Variants in CSTL1 observed in about 807,000 individuals in gnomAD.
The protein encoded by CSTL1 is cystatin-like 1.
In CSTL1, 14 loss-of-function variants were observed where a neutral mutation model predicts 14.4. The observed-to-expected ratio is 0.97, with a 90% confidence interval of 0.64 to 1.52. The LOEUF is 1.52. Ranked by LOEUF, CSTL1 falls within the 40% of genes most tolerant of loss-of-function variation. The probability of loss-of-function intolerance (pLI) is 0.00; values close to 1 mark genes in which losing one functional copy is unlikely to be tolerated. For missense variants in CSTL1, 170 were observed against 168.7 expected, an observed-to-expected ratio of 1.01 and a Z score of -0.04; for synonymous variants, 72 against 67.5, an observed-to-expected ratio of 1.07 and a Z score of -0.33.
chr20:23,439,838 T>G, intron 1 of CSTL1, 32 bp downstream of exon 1: 1 of 201,920 alleles, frequency 5.0e-6, no homozygotes, highest in Non-Finnish European at 1.0e-5. Flanking sequence ...TTGCTCCATA[T>G]GACTGCTTCC....
chr20:23,444,967 ACACACATG>A, downstream of CSTL1: 1 of 802,714 alleles, frequency 1.2e-6, no homozygotes, highest in South Asian at 1.4e-5. Context: ...ACATGCACAC[ACACACATG>A]CACACACAGA....
At chr20:23,443,303 A>G (rs957949603) in intron 2 of CSTL1, among the ~76,000 whole-genome samples, 1 of 152,210 alleles carries the variant, frequency 6.6e-6, no homozygotes, top group African/African-American at 2.4e-5. Flanking sequence ...AAATATTTAA[A>G]ATTTATTTTA....
chr20:23,449,642 G>T (rs1987033859), downstream of CSTL1, among the ~76,000 whole-genome samples: 1 of 152,284 alleles, frequency 6.6e-6, no homozygotes, highest in South Asian at 2.1e-4. Flanking sequence ...CCTTGAATCA[G>T]GCTGCGGAGT....
At chr20:23,447,467 CT>C (rs34114094), downstream of CSTL1, among the ~76,000 whole-genome samples, 17,290 of 136,634 alleles carry the variant, frequency 0.13, 1,621 homozygotes, top group African/African-American at 0.32. Context: ...TTTTCTTTTT[CT>C]TTTTTTTTTT....
At position 23,440,372 on chromosome 20, in the gene CSTL1, C is replaced by A. The variant is rs148321395; in HGVS notation, c.105C>A (p.Leu35=). The A allele has an allele frequency of 1.5e-4, 242 of 1,614,194 alleles. 1 individual carries two copies. The African/African-American group carries it at 3.0e-3, about 20-fold the overall frequency. ...GGTGGGAGGGCTTCCAGCAGAAGCT[C>A]ATGAGCAAGAAGAACATGAATTCAA... The part of the protein sequence containing the change: ...FQRWEGFQQK[L]MSKKNMNSTL... Residue 35 remains leucine, a synonymous_variant, in exon 2 of 4, where the codon CTC becomes CTA. Transcript: ENST00000347397.
downstream of CSTL1, among the ~76,000 whole-genome samples, chr20:23,446,123 T>A (rs536125109): frequency 6.6e-6 from 1 of 152,320 alleles, no homozygotes; most frequent in South Asian, 2.1e-4. Flanking sequence ...ACCTCACTGC[T>A]GTACAGAGAA....
At chr20:23,447,433 G>C (rs972108194), downstream of CSTL1, among the ~76,000 whole-genome samples, 5 of 151,654 alleles carry the variant, frequency 3.3e-5, no homozygotes, top group African/African-American at 1.2e-4. Context: ...TCTAATGCTG[G>C]ACACATTACA....
the CSTL1 span, chr20:23,452,635 A>G: frequency 6.2e-7 from 1 of 1,614,024 alleles, no homozygotes; most frequent in Non-Finnish European, 8.5e-7. Flanking sequence ...ACTTGTCATC[A>G]CTTTCCTTGT....
At chr20:23,446,558 C>T (rs1986971718), downstream of CSTL1, among the ~76,000 whole-genome samples, 1 of 152,224 alleles carries the variant, frequency 6.6e-6, no homozygotes, top group Non-Finnish European at 1.5e-5. Flanking sequence ...GCCCAGCCTG[C>T]AAGCAGCCTT....
chr20:23,452,388 G>A, the CSTL1 span, among the ~76,000 whole-genome samples: 1 of 152,170 alleles, frequency 6.6e-6, no homozygotes, highest in Non-Finnish European at 1.5e-5. Flanking sequence ...GGGATGTAAT[G>A]TGCTGAGGAT....
the CSTL1 span, chr20:23,459,596 G>T: frequency 1.3e-5 from 2 of 151,974 alleles, no homozygotes; most frequent in Non-Finnish European, 2.9e-5. Context: ...TTAAACTTTG[G>T]TTCTCTCCTC....
At chr20:23,441,105 C>T (rs1986822120) in intron 2 of CSTL1, among the ~76,000 whole-genome samples, 2 of 152,116 alleles carry the variant, frequency 1.3e-5, no homozygotes, top group African/African-American at 2.4e-5. Flanking sequence ...GATATTTGAC[C>T]CTGCCGGAGT....
At chr20:23,446,755 T>C (rs1373456110), downstream of CSTL1, among the ~76,000 whole-genome samples, 1 of 152,206 alleles carries the variant, frequency 6.6e-6, no homozygotes, top group Non-Finnish European at 1.5e-5. Flanking sequence ...TGGCTGACAG[T>C]GTGCCTATTG....
In CSTL1 at chr20:23,440,133, T is replaced by C. The variant is rs1986789848; in HGVS notation, c.-124-11T>C. The C allele has an allele frequency of 3.7e-6, 3 of 812,206 alleles. No individual in the cohort carries two copies. In the African/African-American group the frequency reaches 5.1e-5, roughly 14 times the overall value. 50.3% of individuals were successfully genotyped at this position (812,206 alleles called of 1,614,324 possible). A position where few individuals can be genotyped will look rare whatever the true frequency, so the allele number is the denominator to read the frequency against. ...GACAAGGTTCAGGTCTGAATCTCTG[T>C]TTAAATGCAGGCAGGCCATCCCCCA... On this transcript the variant is annotated splice_polypyrimidine_tract_variant and intron_variant, in intron 1 of 3. Coordinates refer to ENST00000347397, the MANE Select transcript of CSTL1 (RefSeq NM_138283.1).
chr20:23,452,575 T>C, the CSTL1 span: 1 of 1,588,192 alleles, frequency 6.3e-7, no homozygotes, highest in Non-Finnish European at 8.6e-7. Context: ...CGGGAAGTCA[T>C]ACACTCACCT....
At chr20:23,451,289 G>C in the CSTL1 span, among the ~76,000 whole-genome samples, 1 of 135,134 alleles carries the variant, frequency 7.4e-6, no homozygotes, top group African/African-American at 3.5e-5. Flanking sequence ...AGCTGCCTTC[G>C]GGGGTGGTGG....
intron 2 of CSTL1, among the ~76,000 whole-genome samples, chr20:23,443,125 CATT>C (rs1343512601): frequency 6.6e-6 from 1 of 152,154 alleles, no homozygotes. Context: ...AGGAAACTGG[CATT>C]ATTCTCCTCA....
At chr20:23,452,776 C>A in the CSTL1 span, 1 of 1,614,166 alleles carries the variant, frequency 6.2e-7, no homozygotes, top group African/African-American at 1.3e-5. Context: ...GAATGGCCAA[C>A]AGGAGCTGTA....
downstream of CSTL1, among the ~76,000 whole-genome samples, chr20:23,445,992 C>T (rs1986958095): frequency 6.6e-6 from 1 of 152,182 alleles, no homozygotes; most frequent in African/African-American, 2.4e-5. Flanking sequence ...GTATGTGTCA[C>T]AAGGAAGCTC....
Sources: allele counts gnomAD v4.1 joint callset (sites outside exome capture counted in the v4.1 genomes callset), GRCh38; gene constraint gnomAD v4.1.1; transcripts MANE v1.5; gene names NCBI Gene and HGNC (gene_info 2026-07-23, HGNC 2026-07-21).